MYO15A: variants seen among roughly 807,000 people sequenced by gnomAD.
The protein encoded by MYO15A is myosin XVA.
MYO15A carries 308 observed loss-of-function variants against 394.6 expected under a neutral mutation model. That is an observed-to-expected ratio of 0.78 (90% CI 0.71 to 0.86). The LOEUF (loss-of-function observed/expected upper bound fraction) is 0.86, where lower values mean the gene tolerates loss of function less well. MYO15A is among the 40% of genes least tolerant of loss of function. MYO15A has a pLI of 0.00. For synonymous variants in MYO15A, 1,957 were observed against 2,003.8 expected, an observed-to-expected ratio of 0.98 and a Z score of 0.62; for missense variants, 4,606 against 4,799.1, an observed-to-expected ratio of 0.96 and a Z score of 1.19.
intron 13 of MYO15A, 60 bp from the exon 14 acceptor site, chr17:18,136,357 G>A (rs1241544379): frequency 1.8e-5 from 29 of 1,601,744 alleles, no homozygotes; most frequent in African/African-American, 2.7e-5. Flanking sequence ...AGTCCCCTGG[G>A]GGCTTTCCGG....
Position 18,126,986 on chromosome 17 carries a change from A to G in MYO15A, c.3942-89A>G, listed in dbSNP as rs916510948. ...TGGTACCTCTGGGTTGGCCCACCGTACATATCCTCTTGCTTCATGATGGGA... is the reference window on the plus strand; with the variant it reads ...TGGTACCTCTGGGTTGGCCCACCGTGCATATCCTCTTGCTTCATGATGGGA... On this transcript the variant is annotated intron_variant, in intron 6 of 65. Transcript: ENST00000647165. The G allele has an allele frequency of 1.0e-5, 16 of 1,597,964 alleles. No individual in the cohort carries two copies. The East Asian group carries it at 3.6e-4, about 36-fold the overall frequency.
chr17:18,138,269 G>T, intron 17 of MYO15A, 23 bp downstream of exon 17: 1 of 1,609,132 alleles, frequency 6.2e-7, no homozygotes. Flanking sequence ...CACTGTGTGA[G>T]CCTAGTCAGG....
In MYO15A at chr17:18,157,816, G is replaced by T. The variant is rs759400062; in HGVS notation, c.8883G>T (p.Thr2961=). Residue 2961 remains threonine (T), a synonymous_variant, in exon 51 of 66, where the codon ACG becomes ACT. Transcript: ENST00000647165. ...AAAPDFLQLP[T]EPGRGRAAAV... ...CCCCCGACTTCCTGCAGCTGCCAAC[G>T]GAGCCAGGCCGCGGCCGAGCAGCCG... The T allele has an allele frequency of 5.0e-6, 8 of 1,600,454 alleles. No individual in the cohort carries two copies. The highest frequency in any genetic ancestry group is 1.3e-5 in the African/African-American group (1 of 74,810).
At chr17:18,139,377 A>G in intron 18 of MYO15A, 157 bp from the exon 19 acceptor site, 1 of 857,528 alleles carries the variant, frequency 1.2e-6, no homozygotes, top group South Asian at 1.6e-5. Flanking sequence ...CAGGTTGGTC[A>G]TGAGAAGCCA....
chr17:18,164,164 G>A (rs746285071), intron 60 of MYO15A: 18 of 395,406 alleles, frequency 4.6e-5, no homozygotes, highest in Non-Finnish European at 6.7e-5. Flanking sequence ...TAATAGCGCC[G>A]CATATTATGG....
At chr17:18,154,871 GC>G in intron 45 of MYO15A, 116 bp downstream of exon 45, 1 of 1,229,162 alleles carries the variant, frequency 8.1e-7, no homozygotes, top group African/African-American at 1.5e-5. Context: ...CCAGACATGT[GC>G]CTCCTTGCTC....
Position 18,150,812 on chromosome 17 carries a change from G to A in MYO15A, c.7396-24G>A, listed in dbSNP as rs1321435238. ...GGGGGGTGGAGAATGGACCTGCCTG[G>A]TCACCACTGCCACCTCTCCCCAGGC... On this transcript the variant is annotated intron_variant, in intron 37 of 65. Transcript: ENST00000647165. This position sits in a 1 kb window ranked among gnomAD's most constrained non-coding sequence, Gnocchi z 4.4. 2.5e-6 allele frequency: 4 copies of A among 1,587,648 alleles called. No homozygotes were observed. The highest frequency in any genetic ancestry group is 1.1e-5 in the South Asian group (1 of 87,518).
chr17:18,120,565 C>G lies in MYO15A; in HGVS notation c.1765C>G (p.Leu589Val). 1 of 1,599,438 alleles carries G rather than the reference C, an allele frequency of 6.3e-7. No individual in the cohort carries two copies. Among genetic ancestry groups the G allele is most frequent in the East Asian group, 2.2e-5 (1 of 44,446 alleles). Residue 589 changes from leucine (L) to valine (V), a missense_variant, in exon 2 of 66, where the codon CTC becomes GTC. Physicochemically the swap from Leu to Val is conservative, Grantham distance 32 (BLOSUM62 1). Transcript: ENST00000647165. Reference sequence around the variant, plus strand: ...GTCGGAGAAGAAGCCCATCGCGCGGCTCAGGGGCAGCCAGAAGGCCCGGGC... The same window carrying G: ...GTCGGAGAAGAAGCCCATCGCGCGGGTCAGGGGCAGCCAGAAGGCCCGGGC... Reference protein sequence around the residue: ...TLSEKKPIARLRGSQKARAGG... With the variant: ...TLSEKKPIARVRGSQKARAGG...
intron 7 of MYO15A, among the ~76,000 whole-genome samples, chr17:18,130,131 G>A (rs1163587800): frequency 4.6e-5 from 7 of 152,050 alleles, no homozygotes; most frequent in East Asian, 1.9e-4. Context: ...TGCCCACCTC[G>A]GCCTCCCAAA....
intron 35 of MYO15A, chr17:18,149,965 AAAAAAAG>A: frequency 3.2e-6 from 1 of 313,374 alleles, no homozygotes; most frequent in Non-Finnish European, 6.0e-6. Flanking sequence ...AAAAAAAAAA[AAAAAAAG>A]AAAGGGAAGA....
chr17:18,173,087 T>G (rs972259776), intron 64 of MYO15A, among the ~76,000 whole-genome samples: 1 of 152,084 alleles, frequency 6.6e-6, no homozygotes. Context: ...AGCAAGCAAG[T>G]TGCTGATGTG....
chr17:18,172,029 G>A (rs1597825107), intron 63 of MYO15A, 128 bp from the exon 64 acceptor site: 1 of 1,505,476 alleles, frequency 6.6e-7, no homozygotes, highest in Non-Finnish European at 9.1e-7. Flanking sequence ...AGAGAGATGG[G>A]AGGAGACCCA....
intron 60 of MYO15A, chr17:18,164,115 C>A: frequency 2.0e-6 from 1 of 501,556 alleles, no homozygotes; most frequent in Admixed American, 3.2e-5. Context: ...GGACACAGGC[C>A]GTGCCCTCAA....
intron 60 of MYO15A, chr17:18,164,156 A>C: frequency 4.9e-6 from 2 of 408,146 alleles, no homozygotes; most frequent in Non-Finnish European, 9.3e-6. Context: ...GTTTCCATTA[A>C]TAGCGCCGCA....
At chr17:18,167,792 C>A (rs1374665115) in intron 62 of MYO15A, 69 bp downstream of exon 62, 2 of 1,590,756 alleles carry the variant, frequency 1.3e-6, no homozygotes, top group South Asian at 1.1e-5. Context: ...CACCTCCACC[C>A]TCCTCAGAGC....
chr17:18,135,845 C>T, intron 13 of MYO15A, 21 bp downstream of exon 13: 2 of 1,603,760 alleles, frequency 1.2e-6, no homozygotes, highest in Non-Finnish European at 1.7e-6. Flanking sequence ...GGGCATCTGG[C>T]CTTCGAACAA....
chr17:18,149,571 C>T lies in MYO15A; in HGVS notation c.7203C>T (p.Tyr2401=), dbSNP rs371901873. ...GCCTCTTTGACCCTGTGCTGTCCTA[C>T]GGGGATGCGGTAGGGATGGTGTGGG... The part of the protein sequence containing the change: ...LDSLFDPVLS[Y]GDADLEKPTA... The change falls in exon 35 of 66, where the codon TAC becomes TAT. Residue 2401 remains tyrosine (Y), a synonymous_variant. Coordinates refer to ENST00000647165, the MANE Select transcript of MYO15A (RefSeq NM_016239.4). 17 of 1,613,886 alleles carry T rather than the reference C, an allele frequency of 1.1e-5. No individual in the cohort carries two copies. The highest frequency in any genetic ancestry group is 2.2e-5 in the East Asian group (1 of 44,888).
intron 3 of MYO15A, chr17:18,124,853 A>G (rs1447976671): frequency 1.5e-5 from 9 of 584,598 alleles, no homozygotes; most frequent in Non-Finnish European, 2.4e-5. Context: ...TGTTGTGAGG[A>G]TGCCAGCACA....
Position 18,148,267 on chromosome 17 carries a change from GC to G in MYO15A, c.6691+61del. 4 of 1,604,840 alleles carry G rather than the reference GC, an allele frequency of 2.5e-6. No individual in the cohort carries two copies. The South Asian group carries it at 3.3e-5, about 13-fold the overall frequency. On this transcript the variant is annotated intron_variant, in intron 31 of 65. Transcript: ENST00000647165. The surrounding 1 kb of genome is among the most constrained non-coding windows in gnomAD (Gnocchi z 4.8). Reference sequence around the variant, plus strand: ...AGTGGGAGTCAGCAGGGCCCAGTGAGCCCCGGGGATGGCAGAAGCCACTGGA... The same window carrying G: ...AGTGGGAGTCAGCAGGGCCCAGTGAGCCCGGGGATGGCAGAAGCCACTGGA...
Sources: gnomAD v4.1 joint callset for allele counts (sites outside exome capture counted in the v4.1 genomes callset) on GRCh38, gnomAD v4.1.1 for gene constraint, Gnocchi (gnomAD v3.1) non-coding constraint, MANE v1.5 for transcripts, NCBI Gene and HGNC (gene_info 2026-07-23, HGNC 2026-07-21) for gene names.